The following ZDHHC15 variants were observed in gnomAD, a reference collection of about 807,000 sequenced individuals.
ZDHHC15 encodes zDHHC palmitoyltransferase 15.
In ZDHHC15, 19 loss-of-function variants were observed where a neutral mutation model predicts 31.7. The observed-to-expected ratio is 0.60, with a 90% CI of 0.42 to 0.88. ZDHHC15 has a LOEUF of 0.88. Ranked by LOEUF, ZDHHC15 falls within the 40% of genes least tolerant of loss-of-function variation. The probability of loss-of-function intolerance (pLI) is 0.00; values close to 1 mark genes in which losing one functional copy is unlikely to be tolerated. For synonymous variants in ZDHHC15, 103 were observed against 90.0 expected, an observed-to-expected ratio of 1.14 and a Z score of -0.82; for missense variants, 209 against 251.2, an observed-to-expected ratio of 0.83 and a Z score of 1.14.
intron 2 of ZDHHC15, among the ~76,000 whole-genome samples, chrX:75,486,006 C>T (rs1461832643): frequency 9.0e-6 from 1 of 110,503 alleles, no homozygotes; most frequent in Non-Finnish European, 1.9e-5. Context: ...GAACTTTTGC[C>T]CCAAGACCCA....
chrX:75,421,988 C>A lies in ZDHHC15; in HGVS notation c.739G>T (p.Ala247Ser). The change falls in exon 9 of 12, where the codon GCC becomes TCC. Residue 247 changes from alanine to serine, a missense_variant and splice_region_variant. Coordinates refer to ENST00000373367, the MANE Select transcript of ZDHHC15 (RefSeq NM_144969.3). ...LVSRNKTTLE[A>S]FCTPVFTSGP... ...CTTGTAAACACTGGAGTGCAGAAGG[C>A]CTCTAAGGCAGGGCAGGAGAGTTGA... The A allele has an allele frequency of 8.3e-7, 1 of 1,204,503 alleles. No homozygotes were observed.
intron 2 of ZDHHC15, among the ~76,000 whole-genome samples, chrX:75,494,918 C>A (rs1378885713): frequency 8.9e-6 from 1 of 111,804 alleles, no homozygotes; most frequent in East Asian, 2.8e-4. Context: ...GCAACAAAAG[C>A]CAAAATTGAC....
chrX:75,445,354 T>C (rs1422692103), intron 4 of ZDHHC15, among the ~76,000 whole-genome samples: 1 of 111,675 alleles, frequency 9.0e-6, no homozygotes, highest in South Asian at 3.7e-4. Flanking sequence ...GATCTGACAA[T>C]GGAAATATGC....
intron 4 of ZDHHC15, among the ~76,000 whole-genome samples, chrX:75,431,916 G>C (rs1309082199): frequency 8.9e-6 from 1 of 111,766 alleles, no homozygotes; most frequent in Admixed American, 9.5e-5. Context: ...GATTGTATGT[G>C]GTGGATAACA....
intron 3 of ZDHHC15, among the ~76,000 whole-genome samples, chrX:75,463,607 A>AACAACAACAACAACAAC (rs58345977): frequency 1.8e-5 from 1 of 56,163 alleles, no homozygotes; most frequent in East Asian, 2.9e-3. Flanking sequence ...ACAACAACAA[A>AACAACAACAACAACAAC]AAACCCATCA....
intron 10 of ZDHHC15, among the ~76,000 whole-genome samples, chrX:75,397,514 C>A (rs2083311549): frequency 1.0e-5 from 1 of 97,695 alleles, no homozygotes; most frequent in Admixed American, 1.2e-4. Context: ...AATATATACA[C>A]CTAGTATGTA....
Position 75,456,281 on chromosome X carries a change from C to T in ZDHHC15, c.259-5359G>A, listed in dbSNP as rs772675134. ...GCAAACCAAACACCACATGTTCTCA[C>T]TCACAGGTGAGAATTGAACAATGAG... On this transcript the variant is annotated intron_variant, in intron 3 of 11. Transcript: ENST00000373367. Among the ~76,000 whole-genome samples, 13 of 107,298 alleles carry T rather than the reference C, an allele frequency of 1.2e-4. No individual in the cohort carries two copies. The South Asian group carries it at 2.2e-3, about 18-fold the overall frequency. The allele number at this position is 107,298 out of a possible 115,157, so 93.2% of individuals were successfully genotyped here.
At chrX:75,407,488 C>T (rs751936291) in intron 10 of ZDHHC15, among the ~76,000 whole-genome samples, 25 of 77,006 alleles carry the variant, frequency 3.2e-4, no homozygotes, top group East Asian at 1.6e-3. Context: ...CCAGCCGCCC[C>T]GTCCGGGAGG....
rs1459095281 is a variant in ZDHHC15 at position 75,509,886 on chromosome X, A to G, written c.137-4039T>C. On this transcript the variant is annotated intron_variant, in intron 1 of 11. Coordinates refer to ENST00000373367, the MANE Select transcript of ZDHHC15 (RefSeq NM_144969.3). The stretch of plus-strand genomic sequence containing the variant: ...GGACAAAACAAGTCTGATTTTAAAA[A>G]ATGTTATGGTTCCCAGAGTTACATA... 3.6e-5 allele frequency among the ~76,000 whole-genome samples: 4 copies of G among 112,429 alleles called. No homozygotes were observed. In the East Asian group the frequency reaches 8.4e-4, roughly 24 times the overall value.
chrX:75,513,648 G>A (rs948100417), intron 1 of ZDHHC15, among the ~76,000 whole-genome samples: 2 of 110,974 alleles, frequency 1.8e-5, no homozygotes, highest in African/African-American at 6.5e-5. Flanking sequence ...TACACATAAC[G>A]GGGCTTCCAA....
At chrX:75,501,655 T>C (rs755996857) in intron 2 of ZDHHC15, 6 of 111,090 alleles carry the variant, frequency 5.4e-5, no homozygotes, top group African/African-American at 2.0e-4. Flanking sequence ...CATTCTGAGA[T>C]GGTATCTCAT....
chrX:75,390,621 G>T (rs1192478279), intron 10 of ZDHHC15, among the ~76,000 whole-genome samples: 1 of 111,618 alleles, frequency 9.0e-6, no homozygotes, highest in African/African-American at 3.3e-5. Context: ...ATTTATATGA[G>T]TATGCAAGAG....
chrX:75,422,781 A>T (rs1392993020), intron 8 of ZDHHC15, among the ~76,000 whole-genome samples: 1 of 111,058 alleles, frequency 9.0e-6, no homozygotes, highest in Non-Finnish European at 1.9e-5. Context: ...TTGGTTAAGA[A>T]AATGGGTGCA....
chrX:75,407,214 C>T (rs890121470), intron 10 of ZDHHC15, among the ~76,000 whole-genome samples: 3 of 111,261 alleles, frequency 2.7e-5, no homozygotes, highest in African/African-American at 6.5e-5. Flanking sequence ...TGTCTCTGCC[C>T]GACCGCCACC....
chrX:75,522,792 A>C, intron 1 of ZDHHC15, 97 bp downstream of exon 1: 1 of 1,082,408 alleles, frequency 9.2e-7, no homozygotes, highest in Admixed American at 2.5e-5. Flanking sequence ...AACCGCAGAG[A>C]GAAGGCTTGA....
chrX:75,459,473 C>A (rs929100261), intron 3 of ZDHHC15, among the ~76,000 whole-genome samples: 1 of 111,553 alleles, frequency 9.0e-6, no homozygotes, highest in South Asian at 3.8e-4. Flanking sequence ...TTCCAGCCTG[C>A]CAGCTTTGGA....
At chrX:75,425,728 T>C (rs1194401831) in intron 7 of ZDHHC15, among the ~76,000 whole-genome samples, 2 of 112,126 alleles carry the variant, frequency 1.8e-5, no homozygotes, top group Non-Finnish European at 1.9e-5. Flanking sequence ...GATTCTTAAG[T>C]GGACCTTAAC....
rs1006917496 is a variant in ZDHHC15 at position 75,384,380 on chromosome X, A to T, written c.968-5182T>A. 9 of 1,005,107 alleles carry T rather than the reference A, an allele frequency of 9.0e-6. No individual in the cohort carries two copies. In the African/African-American group the frequency reaches 1.7e-4, roughly 19 times the overall value. The allele number at this position is 1,005,107 out of a possible 1,213,427, so 82.8% of individuals were successfully genotyped here. On this transcript the variant is annotated intron_variant, in intron 10 of 11. Transcript: ENST00000373367. ...ACAAAGGGAAAGAGGAGAGGCACCC[A>T]ATATATGTTCTCTAGGCCTTTTAGA... is the stretch of plus-strand genomic sequence containing the variant.
rs149017388 is a variant in ZDHHC15 at position 75,431,502 on chromosome X, C to T, written c.398G>A (p.Arg133Gln). The change falls in exon 5 of 12, where the codon CGG (arginine) becomes CAG (glutamine). Residue 133 changes from arginine (R) to glutamine (Q), a missense_variant. Arg to Gln is a conservative substitution (Grantham distance 43, BLOSUM62 1). Transcript: ENST00000373367. ...TGSGAVRFCD[R>Q]CHLIKPDRCH... Reference sequence around the variant, plus strand: ...GCGGTCTGGCTTGATCAGATGACACCGGTCACAGAATCGTACAGCTATAAA... The same window carrying T: ...GCGGTCTGGCTTGATCAGATGACACTGGTCACAGAATCGTACAGCTATAAA... The T allele has an allele frequency of 6.9e-5, 83 of 1,204,793 alleles. No individual in the cohort carries two copies. Among genetic ancestry groups the T allele is most frequent in the South Asian group, 1.4e-4 (8 of 55,952 alleles).
Sources: gnomAD v4.1 joint callset for allele counts (sites outside exome capture counted in the v4.1 genomes callset) on GRCh38, gnomAD v4.1.1 for gene constraint, MANE v1.5 for transcripts, NCBI Gene and HGNC (gene_info 2026-07-23, HGNC 2026-07-21) for gene names.